FRY: variants seen among roughly 807,000 people sequenced by gnomAD.
The protein encoded by FRY is protein furry homolog.
Under a neutral mutation model 348.4 loss-of-function variants are expected in FRY, and 128 were observed. The observed-to-expected ratio is 0.37, with a 90% confidence interval of 0.32 to 0.43. The LOEUF (loss-of-function observed/expected upper bound fraction) is 0.43, where lower values mean the gene tolerates loss of function less well. Among genes scored for constraint, FRY ranks in the 20% least tolerant of loss-of-function variants. FRY has a pLI of 1.00. For synonymous variants in FRY, 1,370 were observed against 1,374.7 expected, an observed-to-expected ratio of 1.00 and a Z score of 0.08; for missense variants, 2,736 against 3,695.2, an observed-to-expected ratio of 0.74 and a Z score of 6.73.
chr13:32,186,519 C>A (rs558518959), intron 27 of FRY, 99 bp downstream of exon 27: 176 of 811,880 alleles, frequency 2.2e-4, no homozygotes, highest in Middle Eastern at 1.3e-3. Flanking sequence ...ATAAATAATA[C>A]AATATCATAG....
At chr13:32,260,630 T>C (rs995945771) in intron 51 of FRY, among the ~76,000 whole-genome samples, 2 of 152,124 alleles carry the variant, frequency 1.3e-5, no homozygotes, top group African/African-American at 4.8e-5. Flanking sequence ...ATCTCAGCAC[T>C]TTGGGAGGCC....
chr13:32,184,557 GT>G, intron 24 of FRY, 42 bp from the exon 25 acceptor site: 1 of 1,174,130 alleles, frequency 8.5e-7, no homozygotes, highest in South Asian at 1.2e-5. Context: ...AGTTAATATT[GT>G]TTTGCCTGTG....
At chr13:32,046,871 G>A (rs942720356) in intron 1 of FRY, among the ~76,000 whole-genome samples, 5 of 152,086 alleles carry the variant, frequency 3.3e-5, no homozygotes, top group African/African-American at 4.8e-5. Flanking sequence ...AATTATGTAG[G>A]CTCATTTGAT....
At chr13:32,265,732 C>A in intron 54 of FRY, 116 bp downstream of exon 54, 3 of 1,013,946 alleles carry the variant, frequency 3.0e-6, no homozygotes, top group Non-Finnish European at 4.5e-6. Context: ...TAAAGGACTC[C>A]AAAGTGACAT....
rs1232156088 is a variant in FRY at position 32,224,313 on chromosome 13, G to A, written c.4844G>A (p.Cys1615Tyr). 2 of 1,614,006 alleles carry A rather than the reference G, an allele frequency of 1.2e-6. No individual in the cohort carries two copies. The highest frequency in any genetic ancestry group is 1.3e-5 in the African/African-American group (1 of 75,006). ...CAGCCGCAGCCCTTACCGATGCCTT[G>A]TACTGGAGGATGCTGGGCCCCCCTG... is the stretch of plus-strand genomic sequence containing the variant. ...TKQPQPLPMP[C>Y]TGGCWAPLVD... The change falls in exon 37 of 61, where the codon TGT (cysteine) becomes TAT (tyrosine). Residue 1615 changes from cysteine (C) to tyrosine (Y), a missense_variant. Cys to Tyr is a radical substitution (Grantham distance 194). Around this residue, in one of 9 missense-constraint regions of FRY, gnomAD observed 794 missense variants for 977.0 expected, o/e 0.81. Transcript: ENST00000542859.
At chr13:32,222,371 G>T (rs1362935299) in intron 36 of FRY, among the ~76,000 whole-genome samples, 5 of 152,154 alleles carry the variant, frequency 3.3e-5, no homozygotes, top group African/African-American at 9.7e-5. Flanking sequence ...GCTGGAGGGT[G>T]TTGAGCAGAG....
intron 29 of FRY, among the ~76,000 whole-genome samples, chr13:32,196,724 A>T (rs1883699270): frequency 6.6e-6 from 1 of 152,192 alleles, no homozygotes; most frequent in Non-Finnish European, 1.5e-5. Context: ...GAGGATAAAG[A>T]TAGAAAGTGA....
rs1194178197 is a variant in FRY, at chr13:32,228,540, G to A, written c.5291G>A (p.Ser1764Asn). Reference protein sequence around the residue: ...LSSSSTSSSISLGGSSGNLPQ... With the variant: ...LSSSSTSSSINLGGSSGNLPQ... Reference sequence around the variant, plus strand: ...TCAAGCTCCACCTCCTCTAGCATCAGTCTGGGAGGCAGCAGTGGAAACCTC... The same window carrying A: ...TCAAGCTCCACCTCCTCTAGCATCAATCTGGGAGGCAGCAGTGGAAACCTC... Residue 1764 changes from serine (S) to asparagine (N), a missense_variant, in exon 40 of 61, where the codon AGT (serine) becomes AAT (asparagine). Physicochemically the swap from Ser to Asn is conservative, Grantham distance 46 (BLOSUM62 1). Coordinates refer to ENST00000542859, the MANE Select transcript of FRY (RefSeq NM_023037.3). 1 of 1,613,858 alleles carries A rather than the reference G, an allele frequency of 6.2e-7. No individual in the cohort carries two copies.
intron 1 of FRY, among the ~76,000 whole-genome samples, chr13:32,068,661 T>C (rs1057291881): frequency 6.6e-6 from 1 of 152,212 alleles, no homozygotes; most frequent in African/African-American, 2.4e-5. Flanking sequence ...ACTTTCTCTT[T>C]ATTGAACTGC....
At position 32,179,808 on chromosome 13, in the gene FRY, G is replaced by GT; in HGVS notation, c.2996+10dup. 2 of 1,612,256 alleles carry GT rather than the reference G, an allele frequency of 1.2e-6. No individual in the cohort carries two copies. The highest frequency in any genetic ancestry group is 8.5e-7 in the Non-Finnish European group (1 of 1,178,310). ...AATTCCCTTGTTTTCAGGTACAGTA[G>GT]TCTTAATGAGTTGTTCTAAATTCAT... On this transcript the variant is annotated intron_variant, in intron 23 of 60. Transcript: ENST00000542859.
intron 55 of FRY, among the ~76,000 whole-genome samples, chr13:32,274,548 C>CA (rs1216179598): frequency 4.3e-4 from 65 of 151,036 alleles, no homozygotes; most frequent in African/African-American, 1.4e-3. Flanking sequence ...ACTAAAAATA[C>CA]AAAAAATTAG....
At chr13:32,049,417 C>T (rs1017949544) in intron 1 of FRY, among the ~76,000 whole-genome samples, 1 of 149,484 alleles carries the variant, frequency 6.7e-6, no homozygotes, top group African/African-American at 2.5e-5. Context: ...ATTCTGAAAA[C>T]AGTGGGCAAC....
At chr13:32,161,683 G>GAGTC (rs1414439616) in intron 17 of FRY, among the ~76,000 whole-genome samples, 21 of 137,632 alleles carry the variant, frequency 1.5e-4, no homozygotes, top group African/African-American at 5.6e-4. Flanking sequence ...GATGGGTCTG[G>GAGTC]CCAAAAAAGA....
rs1022387148 is a variant in FRY at position 32,267,444 on chromosome 13, G to C, written c.8136+85G>C. 60 of 1,171,852 alleles carry C rather than the reference G, an allele frequency of 5.1e-5. No homozygotes were observed. The African/African-American group carries it at 7.6e-4, about 15-fold the overall frequency. 72.6% of individuals were successfully genotyped at this position (1,171,852 alleles called of 1,614,324 possible). A position where few individuals can be genotyped will look rare whatever the true frequency, so the allele number is the denominator to read the frequency against. On this transcript the variant is annotated intron_variant, in intron 55 of 60. Coordinates refer to ENST00000542859, the MANE Select transcript of FRY (RefSeq NM_023037.3). ...GAATTTAAGGAGAGGTTGTTCTTCT[G>C]TTCTGGGGTTATACTACTGTATTTT...
In FRY at chr13:32,276,485, G is replaced by C; in HGVS notation, c.8308G>C (p.Asp2770His). 15 of 1,599,128 alleles carry C rather than the reference G, an allele frequency of 9.4e-6. No individual in the cohort carries two copies. Among genetic ancestry groups the C allele is most frequent in the Non-Finnish European group, 1.2e-5 (14 of 1,166,366 alleles). ...TTAGCTCCTTTCATGTGGACTTCTGGACAAGCTCAAGTTCAGTGTGTTAGA... is the reference window on the plus strand; with the variant it reads ...TTAGCTCCTTTCATGTGGACTTCTGCACAAGCTCAAGTTCAGTGTGTTAGA... ...AETLLSCGLL[D>H]KLKFSVLELQ... The change falls in exon 57 of 61, where the codon GAC becomes CAC. Residue 2770 changes from aspartate to histidine, a missense_variant. Coordinates refer to ENST00000542859, the MANE Select transcript of FRY (RefSeq NM_023037.3).
At chr13:32,275,088 A>C (rs905952254) in intron 56 of FRY, 97 bp downstream of exon 56, 12 of 1,167,158 alleles carry the variant, frequency 1.0e-5, no homozygotes, top group Non-Finnish European at 1.5e-5. Flanking sequence ...TGTTTTAAAG[A>C]TACCTTCTGG....
At chr13:32,214,691 G>A (rs749280283) in intron 35 of FRY, among the ~76,000 whole-genome samples, 51 of 152,150 alleles carry the variant, frequency 3.4e-4, no homozygotes, top group Non-Finnish European at 5.7e-4. Context: ...CCACCAGTCC[G>A]CTTTCCCTTA....
chr13:32,126,444 A>G (rs1171530265), intron 7 of FRY, among the ~76,000 whole-genome samples: 1 of 152,220 alleles, frequency 6.6e-6, no homozygotes. Flanking sequence ...ATTTTAGGTA[A>G]GATTTATGGT....
At chr13:32,168,401 G>A (rs867362312) in intron 17 of FRY, among the ~76,000 whole-genome samples, 1 of 152,216 alleles carries the variant, frequency 6.6e-6, no homozygotes, top group East Asian at 1.9e-4. Context: ...TGATTTAAAT[G>A]TTAATCTCAT....
Sources: allele counts gnomAD v4.1 joint callset (sites outside exome capture counted in the v4.1 genomes callset), GRCh38; gene constraint gnomAD v4.1.1; regional missense constraint gnomAD v4.1.1; transcripts MANE v1.5; gene names NCBI Gene and HGNC (gene_info 2026-07-23, HGNC 2026-07-21).